CPED1: variants seen among roughly 807,000 people sequenced by gnomAD.
The protein encoded by CPED1 is cadherin like and PC-esterase domain containing 1.
A neutral mutation model predicts 128.2 loss-of-function variants in CPED1; 114 were observed. The ratio of observed to expected loss-of-function variants is 0.89; its 90% CI spans 0.76 to 1.04. The LOEUF is 1.04. Among genes scored for constraint, CPED1 ranks in the 50% least tolerant of loss-of-function variants. The probability of loss-of-function intolerance (pLI) is 0.00; values close to 1 mark genes in which losing one functional copy is unlikely to be tolerated. For missense variants in CPED1, 1,211 were observed against 1,207.1 expected (o/e 1.00, Z -0.05); for synonymous variants, 462 against 426.7 (o/e 1.08, Z -1.02).
chr7:121,135,050 G>T (rs1795755502), intron 13 of CPED1, among the ~76,000 whole-genome samples: 1 of 151,830 alleles, frequency 6.6e-6, no homozygotes, highest in Non-Finnish European at 1.5e-5. Context: ...TGTTGTGAAA[G>T]AATATTTATG....
chr7:121,018,778 A>G (rs1192615950), intron 3 of CPED1, among the ~76,000 whole-genome samples: 1 of 152,098 alleles, frequency 6.6e-6, no homozygotes, highest in Non-Finnish European at 1.5e-5. Context: ...AGTAGTACAT[A>G]TTTAGCAATT....
intron 16 of CPED1, among the ~76,000 whole-genome samples, chr7:121,178,137 G>A (rs753099420): frequency 2.0e-5 from 3 of 151,942 alleles, no homozygotes; most frequent in East Asian, 3.9e-4. Flanking sequence ...TCACTTTTTG[G>A]CATGCAGCCT....
intron 16 of CPED1, among the ~76,000 whole-genome samples, chr7:121,203,419 T>C (rs1797446093): frequency 6.6e-6 from 1 of 152,130 alleles, no homozygotes; most frequent in African/African-American, 2.4e-5. Context: ...ATCTTTATCT[T>C]TGTGACTCCT....
At chr7:121,109,783 C>T (rs530361607) in intron 7 of CPED1, among the ~76,000 whole-genome samples, 2 of 152,226 alleles carry the variant, frequency 1.3e-5, no homozygotes, top group African/African-American at 4.8e-5. Context: ...GTTCAAATCA[C>T]ACACAGAGAA....
At chr7:121,018,677 C>T (rs896666908) in intron 3 of CPED1, among the ~76,000 whole-genome samples, 5 of 152,044 alleles carry the variant, frequency 3.3e-5, no homozygotes, top group Admixed American at 6.6e-5. Flanking sequence ...CACCTGCTTT[C>T]CTGTCCTTTC....
intron 16 of CPED1, among the ~76,000 whole-genome samples, chr7:121,156,364 A>G (rs1429171236): frequency 2.0e-5 from 3 of 152,214 alleles, no homozygotes; most frequent in Non-Finnish European, 2.9e-5. Flanking sequence ...GAAAGTCAAT[A>G]TAGGTAAGAG....
chr7:121,176,313 C>G (rs1278637854), intron 16 of CPED1, among the ~76,000 whole-genome samples: 1 of 150,294 alleles, frequency 6.7e-6, no homozygotes, highest in Non-Finnish European at 1.5e-5. Context: ...AAATAAATCA[C>G]AAAGTTGCAA....
chr7:121,286,002 A>G (rs1283403969), intron 22 of CPED1, among the ~76,000 whole-genome samples: 1 of 152,192 alleles, frequency 6.6e-6, no homozygotes, highest in Non-Finnish European at 1.5e-5. Flanking sequence ...TTTATAAAGG[A>G]AAGAGATTTA....
intron 7 of CPED1, among the ~76,000 whole-genome samples, chr7:121,117,940 G>T (rs1222286576): frequency 6.7e-6 from 1 of 149,766 alleles, no homozygotes; most frequent in African/African-American, 2.5e-5. Flanking sequence ...AAAAAAAAGA[G>T]AAAATTTAAC....
chr7:121,281,280 C>A (rs561413213), intron 22 of CPED1, among the ~76,000 whole-genome samples: 5 of 152,216 alleles, frequency 3.3e-5, no homozygotes, highest in African/African-American at 1.2e-4. Context: ...ATTGATATGG[C>A]AATACACACG....
Position 121,015,837 on chromosome 7 carries a change from T to C in CPED1, c.422T>C (p.Leu141Pro), listed in dbSNP as rs1435779671. 1 of 1,551,100 alleles carries C rather than the reference T, an allele frequency of 6.4e-7. No homozygotes were observed. The highest frequency in any genetic ancestry group is 2.2e-5 in the Admixed American group (1 of 45,856). Residue 141 changes from leucine (L) to proline (P), a missense_variant, in exon 3 of 23, where the codon CTA becomes CCA. Physicochemically the swap from Leu to Pro is moderately conservative, Grantham distance 98 (BLOSUM62 -3). Transcript: ENST00000310396. ...CTCAATGCTGGCCTAGGGCCGGGGC[T>C]ACTAGAACAAGGTCAGAATAGTGAG... is the stretch of plus-strand genomic sequence containing the variant. ...ERLNAGLGPG[L>P]LEQGDLGSWD...
intron 3 of CPED1, among the ~76,000 whole-genome samples, chr7:121,043,416 T>C (rs1391357331): frequency 1.3e-5 from 2 of 152,186 alleles, no homozygotes; most frequent in East Asian, 1.9e-4. Context: ...ATGATAAATA[T>C]AGAGATCAAA....
At chr7:121,249,977 G>C (rs1390921963) in intron 18 of CPED1, among the ~76,000 whole-genome samples, 1 of 152,174 alleles carries the variant, frequency 6.6e-6, no homozygotes, top group Non-Finnish European at 1.5e-5. Context: ...GGAACTAATA[G>C]ACGTCTACAG....
chr7:121,008,660 A>G (rs1340070944), intron 2 of CPED1, among the ~76,000 whole-genome samples: 1 of 152,054 alleles, frequency 6.6e-6, no homozygotes, highest in African/African-American at 2.4e-5. Context: ...TCACCAAATC[A>G]TCTAAAAGAG....
intron 16 of CPED1, among the ~76,000 whole-genome samples, chr7:121,215,886 T>C (rs1797747742): frequency 6.6e-6 from 1 of 151,984 alleles, no homozygotes; most frequent in Admixed American, 6.6e-5. Flanking sequence ...AAGTGGGAAG[T>C]TCACTTCAAA....
At position 121,266,268 on chromosome 7, in the gene CPED1, C is replaced by G. The variant is rs536106936; in HGVS notation, c.2352C>G (p.Tyr784Ter). The G allele has an allele frequency of 6.2e-7, 1 of 1,612,968 alleles. No homozygotes were observed. The highest frequency in any genetic ancestry group is 1.1e-5 in the South Asian group (1 of 91,068). The change falls in exon 19 of 23, where the codon TAC becomes TAG. Residue 784 changes from tyrosine (Y) to a stop codon, truncating the protein, a stop_gained. Coordinates refer to ENST00000310396, the MANE Select transcript of CPED1 (RefSeq NM_024913.5). LOFTEE classifies it high-confidence loss of function. ...ATTCAACCAACAGAGGGATCATGTA[C>G]TATCTTATTGAAAGGCTGAATGAAA... ...IGDSTNRGIM[Y>*]YLIERLNETL...
chr7:121,094,019 G>A (rs1794637563), intron 5 of CPED1, among the ~76,000 whole-genome samples: 1 of 152,074 alleles, frequency 6.6e-6, no homozygotes, highest in Non-Finnish European at 1.5e-5. Flanking sequence ...GTTTCTATTT[G>A]CTATATGTGA....
intron 22 of CPED1, among the ~76,000 whole-genome samples, chr7:121,278,447 T>G (rs1792372052): frequency 6.6e-6 from 1 of 152,168 alleles, no homozygotes; most frequent in South Asian, 2.1e-4. Flanking sequence ...CCGTACTTCT[T>G]ACCCCCCACC....
chr7:121,239,406 A>T lies in CPED1; in HGVS notation c.2173+2575A>T, dbSNP rs543236952. ...AGTTTAACTGTAAGATACAACCTAGAATTAAATCTGTTGCTTAAGAAAGAA... is the reference window on the plus strand; with the variant it reads ...AGTTTAACTGTAAGATACAACCTAGTATTAAATCTGTTGCTTAAGAAAGAA... On this transcript the variant is annotated intron_variant, in intron 17 of 22. Transcript: ENST00000310396. Among the ~76,000 whole-genome samples, 5 of 152,262 alleles carry T rather than the reference A, an allele frequency of 3.3e-5. No individual in the cohort carries two copies. In the East Asian group the frequency reaches 7.7e-4, roughly 23 times the overall value.
Sources: allele counts gnomAD v4.1 joint callset (sites outside exome capture counted in the v4.1 genomes callset), GRCh38; gene constraint gnomAD v4.1.1; transcripts MANE v1.5; gene names NCBI Gene and HGNC (gene_info 2026-07-23, HGNC 2026-07-21).